The following RSBN1L variants were observed in gnomAD, a reference collection of about 807,000 sequenced individuals.
The protein encoded by RSBN1L is lysine-specific demethylase RSBN1L.
RSBN1L carries 30 observed loss-of-function variants against 67.7 expected under a neutral mutation model. The ratio of observed to expected loss-of-function variants is 0.44; its 90% CI spans 0.33 to 0.60. The LOEUF (loss-of-function observed/expected upper bound fraction) is 0.60, where lower values mean the gene tolerates loss of function less well. Ranked by LOEUF, RSBN1L falls within the 20% of genes least tolerant of loss-of-function variation. The probability of loss-of-function intolerance (pLI) is 0.02; values close to 1 mark genes in which losing one functional copy is unlikely to be tolerated. For synonymous variants in RSBN1L, 433 were observed against 387.0 expected (o/e 1.12, Z -1.39); for missense variants, 992 against 1,031.7 (o/e 0.96, Z 0.53).
chr7:77,697,885 T>C lies in RSBN1L; in HGVS notation c.586+830T>C, dbSNP rs79883255. Reference sequence around the variant, plus strand: ...CTAGTCGTATAATTTTTCAGGTGTTTCCACCACTTCAGCTACGGATACACA... The same window carrying C: ...CTAGTCGTATAATTTTTCAGGTGTTCCCACCACTTCAGCTACGGATACACA... On this transcript the variant is annotated intron_variant, in intron 1 of 7. Transcript: ENST00000334955. 2.1e-3 allele frequency among the ~76,000 whole-genome samples: 323 copies of C among 152,322 alleles called. 1 individual carries two copies. The East Asian group carries it at 0.026, about 12-fold the overall frequency.
chr7:77,705,070 C>T (rs771438754), intron 1 of RSBN1L, among the ~76,000 whole-genome samples: 20 of 151,890 alleles, frequency 1.3e-4, no homozygotes, highest in Non-Finnish European at 1.9e-4. Context: ...TGATGTATCT[C>T]CAATATCTTA....
chr7:77,739,649 G>A (rs1458467934), intron 2 of RSBN1L, among the ~76,000 whole-genome samples: 1 of 138,838 alleles, frequency 7.2e-6, no homozygotes, highest in Non-Finnish European at 1.5e-5. Context: ...GGAGGCAAAG[G>A]CTGCAGCCGA....
chr7:77,750,095 T>G (rs767640582), intron 3 of RSBN1L, 31 bp downstream of exon 3: 32 of 1,304,798 alleles, frequency 2.5e-5, no homozygotes, highest in Admixed American at 3.0e-5. Context: ...TAAAATAACT[T>G]TTAATTATAT....
intron 5 of RSBN1L, among the ~76,000 whole-genome samples, chr7:77,770,539 C>T (rs912952907): frequency 3.3e-5 from 5 of 151,812 alleles, no homozygotes; most frequent in African/African-American, 1.2e-4. Flanking sequence ...AAAAATTTAG[C>T]CAATGTGGTG....
chr7:77,761,685 CATT>C (rs909968890), intron 3 of RSBN1L, among the ~76,000 whole-genome samples: 55 of 152,240 alleles, frequency 3.6e-4, no homozygotes, highest in African/African-American at 1.1e-3. Flanking sequence ...AAATTGGAAA[CATT>C]GTTGTGTGTA....
intron 1 of RSBN1L, among the ~76,000 whole-genome samples, chr7:77,732,927 G>A (rs1477861411): frequency 6.6e-6 from 1 of 152,124 alleles, no homozygotes; most frequent in African/African-American, 2.4e-5. Context: ...GGTCTCCTGA[G>A]TTTGTAGGTA....
At chr7:77,766,265 C>T (rs768048569) in intron 4 of RSBN1L, among the ~76,000 whole-genome samples, 1 of 152,186 alleles carries the variant, frequency 6.6e-6, no homozygotes, top group Non-Finnish European at 1.5e-5. Flanking sequence ...TAATGTGGAG[C>T]CCTGACCTCC....
chr7:77,754,090 T>A (rs1343269111), intron 3 of RSBN1L, among the ~76,000 whole-genome samples: 1 of 152,150 alleles, frequency 6.6e-6, no homozygotes, highest in Non-Finnish European at 1.5e-5. Flanking sequence ...CAGGCTAGAG[T>A]GCAATGGTAC....
At chr7:77,728,452 C>G (rs1211594955) in intron 1 of RSBN1L, among the ~76,000 whole-genome samples, 2 of 152,070 alleles carry the variant, frequency 1.3e-5, no homozygotes, top group Admixed American at 1.3e-4. Context: ...TTTTTACTTT[C>G]CTCTAGAGGG....
chr7:77,767,691 TCTTCCC>T (rs1326848863), intron 4 of RSBN1L, among the ~76,000 whole-genome samples: 2 of 147,838 alleles, frequency 1.4e-5, no homozygotes, highest in Non-Finnish European at 3.0e-5. Flanking sequence ...TTCTCTTTTC[TCTTCCC>T]CTTCCCCTTC....
At chr7:77,773,361 A>G (rs767793261) in intron 6 of RSBN1L, 47 bp downstream of exon 6, 3 of 1,343,742 alleles carry the variant, frequency 2.2e-6, no homozygotes, top group Non-Finnish European at 2.9e-6. Flanking sequence ...CTTGGCTTCT[A>G]CAATTTTTCT....
chr7:77,763,761 C>T (rs1031269715), intron 3 of RSBN1L, among the ~76,000 whole-genome samples: 3 of 152,096 alleles, frequency 2.0e-5, no homozygotes, highest in Non-Finnish European at 4.4e-5. Flanking sequence ...GGCCTGATGA[C>T]AGCTCACTGC....
chr7:77,712,036 G>A (rs1790981225), intron 1 of RSBN1L, among the ~76,000 whole-genome samples: 1 of 140,410 alleles, frequency 7.1e-6, no homozygotes, highest in African/African-American at 2.9e-5. Flanking sequence ...TTGTAAGCTC[G>A]TTTGACATTT....
At chr7:77,711,022 C>T (rs1218129638) in intron 1 of RSBN1L, among the ~76,000 whole-genome samples, 1 of 152,156 alleles carries the variant, frequency 6.6e-6, no homozygotes, top group Non-Finnish European at 1.5e-5. Flanking sequence ...AACTGAATGA[C>T]TTGCAGTATA....
rs1333898243 is a variant in RSBN1L, at chr7:77,779,892, G to C, written c.*724G>C. ...TCACCAGGCTGGAGTTCAGTGGTGC[G>C]ATCTCGGCTCACTGCAACCTCTGCC... On this transcript the variant is annotated 3_prime_UTR_variant, in exon 8 of 8. Coordinates refer to ENST00000334955, the MANE Select transcript of RSBN1L (RefSeq NM_198467.3). 1 of 149,698 alleles carries C rather than the reference G, an allele frequency of 6.7e-6. No homozygotes were observed. Among genetic ancestry groups the C allele is most frequent in the Non-Finnish European group, 1.5e-5 (1 of 67,656 alleles). 9.3% of individuals were successfully genotyped at this position (149,698 alleles called of 1,614,324 possible).
chr7:77,717,246 CTTATA>C (rs1369586079), intron 1 of RSBN1L, among the ~76,000 whole-genome samples: 1 of 152,048 alleles, frequency 6.6e-6, no homozygotes. Flanking sequence ...TGGCCGTAGT[CTTATA>C]TTATTTTATA....
chr7:77,768,101 C>T (rs1344601436), intron 4 of RSBN1L, among the ~76,000 whole-genome samples: 5 of 151,028 alleles, frequency 3.3e-5, no homozygotes, highest in African/African-American at 4.9e-5. Context: ...GTGATCCGCC[C>T]GCCTCGGCCT....
intron 1 of RSBN1L, among the ~76,000 whole-genome samples, chr7:77,708,655 T>G (rs1790927390): frequency 6.6e-6 from 1 of 151,914 alleles, no homozygotes; most frequent in Non-Finnish European, 1.5e-5. Flanking sequence ...GTGCTGGGAT[T>G]ACAGGCGTGA....
At chr7:77,740,064 T>TC (rs1402135566) in intron 2 of RSBN1L, among the ~76,000 whole-genome samples, 1 of 151,994 alleles carries the variant, frequency 6.6e-6, no homozygotes, top group Non-Finnish European at 1.5e-5. Flanking sequence ...TCAAGTTTTT[T>TC]CTGACTGGAA....
Sources: allele counts gnomAD v4.1 joint callset (sites outside exome capture counted in the v4.1 genomes callset), GRCh38; gene constraint gnomAD v4.1.1; transcripts MANE v1.5; gene names NCBI Gene and HGNC (gene_info 2026-07-23, HGNC 2026-07-21).